TCF20: variants seen among roughly 807,000 people sequenced by gnomAD.
TCF20 encodes the protein transcription factor 20.
Under a neutral mutation model 148.6 loss-of-function variants are expected in TCF20, and 3 were observed. The ratio of observed to expected loss-of-function variants is 0.02; its 90% CI spans 0.01 to 0.05. The LOEUF (loss-of-function observed/expected upper bound fraction) is 0.05. Among genes scored for constraint, TCF20 ranks in the 10% least tolerant of loss-of-function variants. The probability of loss-of-function intolerance (pLI) is 1.00; values close to 1 mark genes in which losing one functional copy is unlikely to be tolerated. For missense variants in TCF20, 2,350 were observed against 2,429.3 expected (o/e 0.97, Z 0.69); for synonymous variants, 1,049 against 909.5 (o/e 1.15, Z -2.76).
chr22:42,336,813 C>T lies in TCF20; in HGVS notation c.-37+6666G>A, dbSNP rs998166194. Among the ~76,000 whole-genome samples, 17 of 152,204 alleles carry T rather than the reference C, an allele frequency of 1.1e-4. No homozygotes were observed. In the South Asian group the frequency reaches 1.2e-3, roughly 11 times the overall value. On this transcript the variant is annotated intron_variant, in intron 1 of 1. Coordinates refer to the TCF20 transcript ENST00000515426. ...GACCTCCCTCACGACTGGTACTCCT[C>T]GCTCTTCAGGCCTCAACTCAAACAT...
At chr22:42,175,231 A>G (rs1338358889) in intron 3 of TCF20, among the ~76,000 whole-genome samples, 3 of 152,168 alleles carry the variant, frequency 2.0e-5, no homozygotes, top group African/African-American at 4.8e-5. Flanking sequence ...TGTTCTTGCT[A>G]TGTTATCCAG....
intron 1 of TCF20, among the ~76,000 whole-genome samples, chr22:42,333,034 C>T (rs60201604): frequency 0.051 from 7,762 of 152,324 alleles, 315 homozygotes; most frequent in African/African-American, 0.11. Flanking sequence ...AAGAAGTGTG[C>T]ACTTTTCTGT....
At chr22:42,271,195 A>G (rs946530151), upstream of TCF20, among the ~76,000 whole-genome samples, 2 of 152,196 alleles carry the variant, frequency 1.3e-5, no homozygotes, top group African/African-American at 4.8e-5. Context: ...GGTCCCTGGC[A>G]GCCCCCGCCC....
In TCF20 at chr22:42,160,061, GTT is replaced by G. The variant is rs575330298; in HGVS notation, c.*1340_*1341del. The G allele has an allele frequency of 6.6e-6, 1 of 152,214 alleles. No individual in the cohort carries two copies. Among genetic ancestry groups the G allele is most frequent in the Non-Finnish European group, 1.5e-5 (1 of 67,852 alleles). 9.4% of individuals were successfully genotyped at this position (152,214 alleles called of 1,614,324 possible). ...TTTTTTTGATTTTTTGATTTTTTTTGTTTTTTGTTTTTTTAAATAAAACTGTT... is the reference window on the plus strand; with the variant it reads ...TTTTTTTGATTTTTTGATTTTTTTTGTTTTGTTTTTTTAAATAAAACTGTT... On this transcript the variant is annotated 3_prime_UTR_variant, in exon 6 of 6. Coordinates refer to ENST00000677622, the MANE Select transcript of TCF20 (RefSeq NM_001378418.1).
intron 1 of TCF20, among the ~76,000 whole-genome samples, chr22:42,291,642 G>A (rs1439173697): frequency 6.6e-6 from 1 of 152,128 alleles, no homozygotes; most frequent in African/African-American, 2.4e-5. Context: ...AGGAGAGCAA[G>A]AAGGGTGTGG....
intron 1 of TCF20, among the ~76,000 whole-genome samples, chr22:42,222,664 G>T (rs941205639): frequency 1.3e-5 from 2 of 152,108 alleles, no homozygotes; most frequent in Non-Finnish European, 2.9e-5. Flanking sequence ...TGCCACATGA[G>T]ATCATATGGT....
At chr22:42,232,492 T>C (rs1352585453) in intron 1 of TCF20, among the ~76,000 whole-genome samples, 1 of 151,770 alleles carries the variant, frequency 6.6e-6, no homozygotes, top group Non-Finnish European at 1.5e-5. Context: ...TGACAACAGA[T>C]GTTTTGGGGG....
At chr22:42,165,602 G>T (rs144136071) in intron 5 of TCF20, among the ~76,000 whole-genome samples, 2 of 152,352 alleles carry the variant, frequency 1.3e-5, no homozygotes, top group Non-Finnish European at 2.9e-5. Flanking sequence ...ATACCTCACA[G>T]GCTGGGAGGC....
chr22:42,243,484 C>A (rs1369975542), intron 1 of TCF20, among the ~76,000 whole-genome samples: 2 of 151,728 alleles, frequency 1.3e-5, no homozygotes, highest in Non-Finnish European at 2.9e-5. Context: ...TGCCTGTAAT[C>A]CCAGCTACTC....
At chr22:42,268,269 T>C (rs1466527342) in intron 1 of TCF20, among the ~76,000 whole-genome samples, 2 of 152,236 alleles carry the variant, frequency 1.3e-5, no homozygotes, top group Non-Finnish European at 2.9e-5. Context: ...AGCACAGTTC[T>C]AGAAATTTAA....
At chr22:42,225,519 C>A (rs560348881) in intron 1 of TCF20, among the ~76,000 whole-genome samples, 1 of 148,762 alleles carries the variant, frequency 6.7e-6, no homozygotes, top group East Asian at 2.0e-4. Context: ...GAGGCTGAGG[C>A]AGGAGAATGG....
intron 1 of TCF20, among the ~76,000 whole-genome samples, chr22:42,312,812 C>A (rs975363704): frequency 3.3e-5 from 5 of 152,128 alleles, no homozygotes; most frequent in African/African-American, 1.2e-4. Flanking sequence ...CCTCCTCTCC[C>A]CATTGTCTGA....
intron 1 of TCF20, among the ~76,000 whole-genome samples, chr22:42,227,632 C>T (rs866603796): frequency 2.0e-5 from 3 of 152,236 alleles, no homozygotes; most frequent in Admixed American, 1.3e-4. Flanking sequence ...GAGTCTACCC[C>T]AGAGCTACAT....
chr22:42,275,966 C>T (rs1403547662), intron 1 of TCF20, among the ~76,000 whole-genome samples: 1 of 152,138 alleles, frequency 6.6e-6, no homozygotes, highest in African/African-American at 2.4e-5. Context: ...CAGAGCAGCT[C>T]GGAGGGGGCA....
upstream of TCF20, among the ~76,000 whole-genome samples, chr22:42,273,325 A>G (rs134880): frequency 0.75 from 109,407 of 145,592 alleles, 41,250 homozygotes; most frequent in African/African-American, 0.82. Context: ...GTGCTGTTGC[A>G]CTCCAGCCTG....
chr22:42,206,459 T>C (rs924435460), intron 2 of TCF20, among the ~76,000 whole-genome samples: 5 of 152,030 alleles, frequency 3.3e-5, no homozygotes, highest in Middle Eastern at 3.2e-3. Context: ...CCAAGGAAAG[T>C]TGGGAAGCAA....
chr22:42,210,431 A>G lies in TCF20; in HGVS notation c.4875T>C (p.Asp1625=), dbSNP rs1183189004. 2 of 1,614,214 alleles carry G rather than the reference A, an allele frequency of 1.2e-6. No homozygotes were observed. Among genetic ancestry groups the G allele is most frequent in the South Asian group, 1.1e-5 (1 of 91,084 alleles). Residue 1625 remains aspartate (D), a synonymous_variant, in exon 2 of 6, where the codon GAT becomes GAC. Coordinates refer to ENST00000677622, the MANE Select transcript of TCF20 (RefSeq NM_001378418.1). This position sits in a 1 kb window ranked among gnomAD's most constrained non-coding sequence, Gnocchi z 4.7. ...KYATQPLDKT[D]AKNKSFYPYI... is the part of the protein sequence containing the mutation. Reference sequence around the variant, plus strand: ...AAGGGTAAAAAGACTTGTTCTTGGCATCAGTTTTATCCAGTGGCTGGGTGG... The same window carrying G: ...AAGGGTAAAAAGACTTGTTCTTGGCGTCAGTTTTATCCAGTGGCTGGGTGG...
rs771967419 is a variant in TCF20 at position 42,214,336 on chromosome 22, G to A, written c.970C>T (p.Pro324Ser). 6.2e-7 allele frequency: 1 copy of A among 1,614,202 alleles called. No homozygotes were observed. Among genetic ancestry groups the A allele is most frequent in the Admixed American group, 1.7e-5 (1 of 60,026 alleles). ...GTATACTGCATCACATGCTGAGAAG[G>A]GTGTTGTTGTTGCTGCGGTTGCTGC... ...QQQQPQQQQH[P>S]SQHVMQYTNA... is the part of the protein sequence containing the mutation. The change falls in exon 2 of 6, where the codon CCT becomes TCT. Residue 324 changes from proline (P) to serine (S), a missense_variant. Coordinates refer to ENST00000677622, the MANE Select transcript of TCF20 (RefSeq NM_001378418.1).
At chr22:42,313,127 C>T (rs925279533) in intron 1 of TCF20, among the ~76,000 whole-genome samples, 1 of 152,216 alleles carries the variant, frequency 6.6e-6, no homozygotes, top group Non-Finnish European at 1.5e-5. Context: ...AGTGCAGGTG[C>T]TAATGCCCAC....
Sources: gnomAD v4.1 joint callset for allele counts (sites outside exome capture counted in the v4.1 genomes callset) on GRCh38, gnomAD v4.1.1 for gene constraint, Gnocchi (gnomAD v3.1) non-coding constraint, MANE v1.5 for transcripts, NCBI Gene and HGNC (gene_info 2026-07-23, HGNC 2026-07-21) for gene names.